Variants in SLMAP observed in about 807,000 individuals in gnomAD.
SLMAP encodes the protein sarcolemmal membrane-associated protein.
A neutral mutation model predicts 128.8 loss-of-function variants in SLMAP; 44 were observed. That is an observed-to-expected ratio of 0.34 (90% CI 0.27 to 0.44). The LOEUF (loss-of-function observed/expected upper bound fraction) is 0.44, where lower values mean the gene tolerates loss of function less well. Ranked by LOEUF, SLMAP falls within the 20% of genes least tolerant of loss-of-function variation. The pLI, the probability that SLMAP is intolerant of heterozygous loss-of-function variation, is 1.00. For missense variants in SLMAP, 787 were observed against 985.3 expected, an observed-to-expected ratio of 0.80 and a Z score of 2.69; for synonymous variants, 327 against 348.8, an observed-to-expected ratio of 0.94 and a Z score of 0.70.
intron 6 of SLMAP, among the ~76,000 whole-genome samples, chr3:57,855,379 AAAAAG>A (rs755102938): frequency 4.9e-4 from 75 of 152,134 alleles, no homozygotes; most frequent in Non-Finnish European, 5.3e-4. Flanking sequence ...CTCTGTCTCA[AAAAAG>A]AAAAGAAAAG....
intron 15 of SLMAP, chr3:57,890,445 G>T (rs1221489099): frequency 1.1e-5 from 2 of 189,948 alleles, no homozygotes; most frequent in Non-Finnish European, 2.2e-5. Flanking sequence ...AATGTAAGTC[G>T]TTTGTGATAC....
intron 2 of SLMAP, among the ~76,000 whole-genome samples, chr3:57,789,666 A>AT (rs562045016): frequency 9.1e-4 from 139 of 152,326 alleles, no homozygotes; most frequent in Non-Finnish European, 1.6e-3. Context: ...CTTTGTCAAC[A>AT]TGAGTCACAT....
chr3:57,879,285 A>C (rs2095671317), intron 14 of SLMAP, among the ~76,000 whole-genome samples: 1 of 152,230 alleles, frequency 6.6e-6, no homozygotes. Context: ...CTCTCTGTTC[A>C]GTCTTTGACA....
intron 19 of SLMAP, among the ~76,000 whole-genome samples, chr3:57,910,478 G>A (rs2096667301): frequency 6.6e-6 from 1 of 152,142 alleles, no homozygotes; most frequent in South Asian, 2.1e-4. Context: ...CACTGCACCT[G>A]GCCTCAAGAA....
chr3:57,804,408 T>G (rs2089345447), intron 2 of SLMAP, among the ~76,000 whole-genome samples: 1 of 152,164 alleles, frequency 6.6e-6, no homozygotes, highest in Non-Finnish European at 1.5e-5. Flanking sequence ...AAATAAAAAT[T>G]TTCTATTTGT....
chr3:57,909,055 A>G, intron 18 of SLMAP, 21 bp from the exon 19 acceptor site: 1 of 1,537,964 alleles, frequency 6.5e-7, no homozygotes, highest in Middle Eastern at 1.7e-4. Flanking sequence ...CTATTAATAG[A>G]TACTGTGTTT....
chr3:57,865,188 A>G (rs1204595100), intron 12 of SLMAP, 54 bp from the exon 13 acceptor site: 1 of 965,918 alleles, frequency 1.0e-6, no homozygotes, highest in African/African-American at 1.7e-5. Flanking sequence ...ACTTGAGACC[A>G]CATTTAAAGT....
chr3:57,855,870 G>A (rs930940687), intron 6 of SLMAP, among the ~76,000 whole-genome samples: 1 of 151,536 alleles, frequency 6.6e-6, no homozygotes, highest in Non-Finnish European at 1.5e-5. Context: ...ATGGTAAAAC[G>A]CCGTCTCTAC....
chr3:57,916,476 CTT>C (rs1451766718), intron 21 of SLMAP, among the ~76,000 whole-genome samples: 4 of 152,126 alleles, frequency 2.6e-5, no homozygotes, highest in Admixed American at 6.6e-5. Context: ...ACAGGTTTAT[CTT>C]TACTTGAATT....
intron 9 of SLMAP, 69 bp downstream of exon 9, chr3:57,860,908 A>G (rs1469394711): frequency 6.8e-6 from 9 of 1,314,860 alleles, no homozygotes; most frequent in Non-Finnish European, 7.3e-6. Context: ...GCATTCCAGG[A>G]TACTTTAAAC....
intron 2 of SLMAP, among the ~76,000 whole-genome samples, chr3:57,774,773 C>G (rs1042890868): frequency 2.0e-5 from 3 of 152,076 alleles, no homozygotes; most frequent in Non-Finnish European, 4.4e-5. Flanking sequence ...ATCCACCCGC[C>G]TCAGCCTCCC....
chr3:57,865,494 A>G (rs2095273251), intron 13 of SLMAP, among the ~76,000 whole-genome samples: 1 of 152,118 alleles, frequency 6.6e-6, no homozygotes, highest in African/African-American at 2.4e-5. Flanking sequence ...CCCTTGTTAT[A>G]TGGAAATTTC....
At chr3:57,856,133 T>C (rs563998804) in intron 6 of SLMAP, among the ~76,000 whole-genome samples, 26 of 151,826 alleles carry the variant, frequency 1.7e-4, no homozygotes, top group African/African-American at 5.8e-4. Flanking sequence ...GATCATAAGC[T>C]CAGGAGTTTG....
intron 2 of SLMAP, among the ~76,000 whole-genome samples, chr3:57,794,046 A>G (rs2086132026): frequency 6.6e-6 from 1 of 152,096 alleles, no homozygotes; most frequent in African/African-American, 2.4e-5. Context: ...CAGCCTGGGT[A>G]ACAGAGAGAG....
At chr3:57,768,573 A>C (rs2080187483) in intron 2 of SLMAP, among the ~76,000 whole-genome samples, 1 of 152,136 alleles carries the variant, frequency 6.6e-6, no homozygotes, top group Non-Finnish European at 1.5e-5. Flanking sequence ...AATTCATAGA[A>C]ACAAAGATTG....
At chr3:57,840,991 G>A (rs2153563166) in intron 3 of SLMAP, among the ~76,000 whole-genome samples, 1 of 152,154 alleles carries the variant, frequency 6.6e-6, no homozygotes, top group South Asian at 2.1e-4. Context: ...TGGCAGATGG[G>A]GAAAAGTGTA....
chr3:57,763,633 G>A (rs1458431937), intron 2 of SLMAP, among the ~76,000 whole-genome samples: 2 of 152,088 alleles, frequency 1.3e-5, no homozygotes, highest in African/African-American at 4.8e-5. Context: ...GGGCATAGTG[G>A]TAAAGGGGGA....
rs754153607 is a variant in SLMAP, at chr3:57,872,491, C to T, written c.1300+793C>T. On this transcript the variant is annotated intron_variant, in intron 14 of 24. Coordinates refer to ENST00000671191, the MANE Select transcript of SLMAP (RefSeq NM_001377540.1). ...AAAATTAGCTGGGTGTGGTGGCAGG[C>T]GCCTATAATCCCAGCTTCTTGGGAG... Among the ~76,000 whole-genome samples the T allele has an allele frequency of 4.6e-5, 7 of 152,008 alleles. No homozygotes were observed. The East Asian group carries it at 7.8e-4, about 17-fold the overall frequency.
At chr3:57,768,586 G>C (rs997086933) in intron 2 of SLMAP, among the ~76,000 whole-genome samples, 5 of 152,068 alleles carry the variant, frequency 3.3e-5, no homozygotes, top group Admixed American at 1.3e-4. Context: ...AAAGATTGGT[G>C]GTTTCTAGGG....
Sources: allele counts gnomAD v4.1 joint callset (sites outside exome capture counted in the v4.1 genomes callset), GRCh38; gene constraint gnomAD v4.1.1; transcripts MANE v1.5; gene names NCBI Gene and HGNC (gene_info 2026-07-23, HGNC 2026-07-21).